The following ASCC1 variants were observed in gnomAD, a reference collection of about 807,000 sequenced individuals.
ASCC1 encodes the protein ASC-1 complex subunit P50.
A neutral mutation model predicts 46.6 loss-of-function variants in ASCC1; 35 were observed. The observed-to-expected ratio is 0.75, with a 90% CI of 0.57 to 0.99. The LOEUF is 0.99. Among genes scored for constraint, ASCC1 ranks in the 50% least tolerant of loss-of-function variants. The probability of loss-of-function intolerance (pLI) is 0.00; values close to 1 mark genes in which losing one functional copy is unlikely to be tolerated. For missense variants in ASCC1, 376 were observed against 428.7 expected (o/e 0.88, Z 1.09); for synonymous variants, 143 against 146.6 (o/e 0.98, Z 0.18).
chr10:72,151,929 T>C (rs1170296978), intron 7 of ASCC1, among the ~76,000 whole-genome samples: 7 of 151,192 alleles, frequency 4.6e-5, no homozygotes, highest in Non-Finnish European at 1.0e-4. Context: ...GACCTCGTGA[T>C]CCGCCCACCT....
intron 5 of ASCC1, among the ~76,000 whole-genome samples, chr10:72,185,447 T>C (rs987909095): frequency 2.0e-5 from 3 of 152,142 alleles, no homozygotes; most frequent in Non-Finnish European, 4.4e-5. Context: ...AAGTGGTACA[T>C]TCATGCAAAG....
chr10:72,118,242 G>A (rs999811189), intron 9 of ASCC1, among the ~76,000 whole-genome samples: 7 of 151,568 alleles, frequency 4.6e-5, no homozygotes, highest in South Asian at 2.1e-4. Context: ...TGGCACACGC[G>A]TATAGTCCCA....
chr10:72,185,477 A>G (rs2133090329), intron 5 of ASCC1, among the ~76,000 whole-genome samples: 1 of 152,316 alleles, frequency 6.6e-6, no homozygotes, highest in Admixed American at 6.5e-5. Context: ...TCAACAATAA[A>G]AAGCAGCAAA....
At chr10:72,157,601 A>G (rs1849133760) in intron 6 of ASCC1, among the ~76,000 whole-genome samples, 1 of 152,238 alleles carries the variant, frequency 6.6e-6, no homozygotes, top group Admixed American at 6.5e-5. Flanking sequence ...TAAGATTTAC[A>G]TGACAAACTT....
At chr10:72,170,353 C>A (rs1004186733) in intron 5 of ASCC1, among the ~76,000 whole-genome samples, 3 of 152,090 alleles carry the variant, frequency 2.0e-5, no homozygotes, top group Non-Finnish European at 4.4e-5. Flanking sequence ...GACACATTAT[C>A]ACCTATGCAA....
At chr10:72,109,307 GTT>G (rs1327038968) in intron 9 of ASCC1, among the ~76,000 whole-genome samples, 2 of 152,148 alleles carry the variant, frequency 1.3e-5, no homozygotes, top group African/African-American at 2.4e-5. Context: ...GGCCACTCCT[GTT>G]TTTGTCTCCA....
At chr10:72,210,630 T>C (rs554594086) in intron 3 of ASCC1, 102 bp downstream of exon 3, 16 of 851,246 alleles carry the variant, frequency 1.9e-5, no homozygotes, top group African/African-American at 8.3e-5. Flanking sequence ...ATTTTATCAT[T>C]AGTAATCAAG....
chr10:72,160,783 A>T (rs1179907992), intron 6 of ASCC1, among the ~76,000 whole-genome samples: 29 of 111,788 alleles, frequency 2.6e-4, no homozygotes, highest in African/African-American at 1.9e-3. Context: ...ATTTGTATTA[A>T]AAAAAAAAAA....
intron 7 of ASCC1, among the ~76,000 whole-genome samples, chr10:72,150,782 G>A (rs1848229232): frequency 6.6e-6 from 1 of 152,120 alleles, no homozygotes; most frequent in Admixed American, 6.6e-5. Context: ...ATCAAAAAGT[G>A]GGCAAAGGAT....
At chr10:72,164,023 T>C (rs1850032200) in intron 5 of ASCC1, among the ~76,000 whole-genome samples, 1 of 152,130 alleles carries the variant, frequency 6.6e-6, no homozygotes. Flanking sequence ...AGTGCAATGA[T>C]GCGATCTTGG....
Position 72,207,815 on chromosome 10 carries a change from A to ATTT in ASCC1, c.212+2914_212+2916dup, listed in dbSNP as rs34399551. On this transcript the variant is annotated intron_variant, in intron 3 of 9. Transcript: ENST00000672957. Reference sequence around the variant, plus strand: ...TTATTCCCAAGAAAGAAATCTTAGTATTTTTTTTTTTTTTGACACAGGATA... The same window carrying ATTT: ...TTATTCCCAAGAAAGAAATCTTAGTATTTTTTTTTTTTTTTTTGACACAGGATA... Among the ~76,000 whole-genome samples the ATTT allele has an allele frequency of 2.5e-4, 37 of 146,530 alleles. No homozygotes were observed. The East Asian group carries it at 4.4e-3, about 18-fold the overall frequency.
intron 3 of ASCC1, among the ~76,000 whole-genome samples, chr10:72,208,790 T>C (rs563875158): frequency 6.6e-6 from 1 of 151,980 alleles, no homozygotes; most frequent in East Asian, 1.9e-4. Flanking sequence ...TGTGTTTGTG[T>C]GTGTGTGTGT....
chr10:72,150,951 T>C (rs1179431207), intron 7 of ASCC1, among the ~76,000 whole-genome samples: 1 of 152,104 alleles, frequency 6.6e-6, no homozygotes, highest in Non-Finnish European at 1.5e-5. Context: ...AAACAACAGG[T>C]GCTGGAGAGG....
chr10:72,170,953 A>C (rs1478426901), intron 5 of ASCC1, among the ~76,000 whole-genome samples: 1 of 152,142 alleles, frequency 6.6e-6, no homozygotes, highest in African/African-American at 2.4e-5. Flanking sequence ...TGGACAACAT[A>C]GCAAGATCCC....
chr10:72,156,995 A>G (rs2132627058), intron 6 of ASCC1, among the ~76,000 whole-genome samples: 1 of 152,224 alleles, frequency 6.6e-6, no homozygotes, highest in Admixed American at 6.5e-5. Context: ...TTAGGCGGAC[A>G]CTTTTCTTTC....
chr10:72,179,196 A>G (rs765322358), intron 5 of ASCC1, among the ~76,000 whole-genome samples: 6 of 152,112 alleles, frequency 3.9e-5, no homozygotes, highest in Admixed American at 1.3e-4. Context: ...TGTAGACACA[A>G]GTTTTGGTTG....
At chr10:72,182,930 A>G (rs1033819556) in intron 5 of ASCC1, among the ~76,000 whole-genome samples, 18 of 151,970 alleles carry the variant, frequency 1.2e-4, no homozygotes, top group Non-Finnish European at 2.5e-4. Context: ...TATGCCATTA[A>G]AGCTTATACT....
At chr10:72,167,522 G>C (rs74797627) in intron 5 of ASCC1, among the ~76,000 whole-genome samples, 1 of 151,812 alleles carries the variant, frequency 6.6e-6, no homozygotes, top group African/African-American at 2.4e-5. Flanking sequence ...TTGTGGTAAT[G>C]ACTGCACAAC....
intron 9 of ASCC1, among the ~76,000 whole-genome samples, chr10:72,105,190 G>A (rs1393611940): frequency 6.6e-6 from 1 of 152,232 alleles, no homozygotes; most frequent in Non-Finnish European, 1.5e-5. Context: ...CTCAGTGGCA[G>A]AGGGCAGCCA....
Sources: gnomAD v4.1 joint callset for allele counts (sites outside exome capture counted in the v4.1 genomes callset) on GRCh38, gnomAD v4.1.1 for gene constraint, MANE v1.5 for transcripts, NCBI Gene and HGNC (gene_info 2026-07-23, HGNC 2026-07-21) for gene names.